The following KAT5 variants were observed in gnomAD, a reference collection of about 807,000 sequenced individuals.
KAT5 encodes the protein lysine acetyltransferase 5.
Under a neutral mutation model 68.1 loss-of-function variants are expected in KAT5, and 31 were observed. The observed-to-expected ratio is 0.46, with a 90% CI of 0.34 to 0.61. KAT5 has a LOEUF of 0.61. KAT5 is among the 20% of genes least tolerant of loss of function. KAT5 has a pLI of 0.01. For synonymous variants in KAT5, 365 were observed against 292.6 expected, an observed-to-expected ratio of 1.25 and a Z score of -2.52; for missense variants, 451 against 725.5, an observed-to-expected ratio of 0.62 and a Z score of 4.35.
Position 65,715,292 on chromosome 11 carries a change from G to A in KAT5, c.1029+382G>A, listed in dbSNP as rs555194042. On this transcript the variant is annotated intron_variant, in intron 8 of 12. Transcript: ENST00000341318. ...AGAGTAGGCATGGATGCACAAAGGT[G>A]GTCTTTGTGAAAGGCAGAGATCATT... 4 of 263,976 alleles carry A rather than the reference G, an allele frequency of 1.5e-5. No homozygotes were observed. In the East Asian group the frequency reaches 3.3e-4, roughly 22 times the overall value. 16.4% of individuals were successfully genotyped at this position (263,976 alleles called of 1,614,324 possible).
upstream of KAT5, chr11:65,712,085 G>A (rs1282070675): frequency 1.5e-5 from 8 of 533,894 alleles, 1 homozygote; most frequent in Non-Finnish European, 2.5e-5. Context: ...GGCTCGGCCT[G>A]AGGCTTGTAA....
intron 10 of KAT5, chr11:65,717,244 C>G (rs549504571): frequency 1.8e-6 from 1 of 561,846 alleles, no homozygotes; most frequent in Non-Finnish European, 3.2e-6. Context: ...ATCTGACTTA[C>G]GTGCTCCTGC....
At chr11:65,717,420 G>C (rs1857236764) in intron 10 of KAT5, 1 of 240,038 alleles carries the variant, frequency 4.2e-6, no homozygotes. Context: ...ACATAAGCAT[G>C]TTGTCCCTCG....
Position 65,712,293 on chromosome 11 carries a change from CCGGGG to C in KAT5, c.35_39del (p.Gly12GlufsTer8). On this transcript the variant is annotated frameshift_variant, in exon 1 of 13. Coordinates refer to ENST00000341318, the MANE Select transcript of KAT5 (RefSeq NM_182710.3). LOFTEE classifies it high-confidence loss of function. ...ATGGCGGAGGTGGTGAGTCCGGTGCCCGGGGCGGGGCGGAGGGAGCCAGGGGAGGT... is the reference window on the plus strand; with the variant it reads ...ATGGCGGAGGTGGTGAGTCCGGTGCCCGGGGCGGAGGGAGCCAGGGGAGGT... The C allele has an allele frequency of 3.5e-6, 5 of 1,446,288 alleles. No homozygotes were observed. Among genetic ancestry groups the C allele is most frequent in the South Asian group, 1.5e-5 (1 of 67,624 alleles). The allele number at this position is 1,446,288 out of a possible 1,614,324, so 89.6% of individuals were successfully genotyped here.
chr11:65,713,146 C>G, intron 3 of KAT5, 88 bp downstream of exon 3: 1 of 1,532,636 alleles, frequency 6.5e-7, no homozygotes, highest in Non-Finnish European at 8.9e-7. Context: ...GGGCAGGAGG[C>G]GGCTCCCTCT....
Position 65,712,366 on chromosome 11 carries a change from G to A in KAT5, c.99G>A (p.Ala33=). Reference sequence around the variant, plus strand: ...CCCCAGTAGCCGACCCTGGCGTCGCGCTGTCTCCCCAGGGGGAGATAATCG... The same window carrying A: ...CCCCAGTAGCCGACCCTGGCGTCGCACTGTCTCCCCAGGGGGAGATAATCG... ...RGPPVADPGV[A]LSPQGEIIEG... The change falls in exon 1 of 13, where the codon GCG becomes GCA. Residue 33 remains alanine, a synonymous_variant. Transcript: ENST00000341318. 1.3e-6 allele frequency: 2 copies of A among 1,543,772 alleles called. No individual in the cohort carries two copies. Among genetic ancestry groups the A allele is most frequent in the Non-Finnish European group, 1.7e-6 (2 of 1,155,472 alleles).
chr11:65,713,981 AC>A, intron 6 of KAT5, 133 bp downstream of exon 6: 2 of 810,676 alleles, frequency 2.5e-6, no homozygotes, highest in Non-Finnish European at 3.9e-6. Context: ...GGATTAGGAG[AC>A]AGGCAGAACA....
chr11:65,716,832 T>C, intron 9 of KAT5, 25 bp downstream of exon 9: 1 of 1,614,120 alleles, frequency 6.2e-7, no homozygotes, highest in South Asian at 1.1e-5. Flanking sequence ...AAGCTGTCCC[T>C]GTGCCCTGTC....
At chr11:65,714,416 A>G (rs1183396419) in intron 6 of KAT5, 79 bp from the exon 7 acceptor site, 5 of 1,528,216 alleles carry the variant, frequency 3.3e-6, no homozygotes, top group African/African-American at 2.7e-5. Context: ...CTTGAAGGAA[A>G]CCTGTCAAAG....
chr11:65,712,166 T>A (rs1857038187), upstream of KAT5: 7 of 1,178,774 alleles, frequency 5.9e-6, no homozygotes, highest in Non-Finnish European at 7.9e-6. Context: ...CTCTCAAAGG[T>A]CCCCCTCTAC....
intron 10 of KAT5, 182 bp downstream of exon 10, chr11:65,717,164 C>G: frequency 1.6e-6 from 1 of 613,114 alleles, no homozygotes; most frequent in Non-Finnish European, 2.9e-6. Flanking sequence ...CCCTGCTTAT[C>G]TGGGGTAGGT....
chr11:65,715,263 C>G (rs1857154039), intron 8 of KAT5: 1 of 322,928 alleles, frequency 3.1e-6, no homozygotes, highest in South Asian at 3.1e-5. Context: ...CAGTGGTGTT[C>G]TGAAGAGTAG....
intron 3 of KAT5, 84 bp from the exon 4 acceptor site, chr11:65,713,264 T>C: frequency 2.1e-6 from 3 of 1,456,698 alleles, no homozygotes; most frequent in Non-Finnish European, 2.8e-6. Flanking sequence ...GGTTTGATAA[T>C]TTTGAGGTGA....
At chr11:65,715,766 T>A (rs187775926) in intron 8 of KAT5, among the ~76,000 whole-genome samples, 8 of 143,956 alleles carry the variant, frequency 5.6e-5, no homozygotes, top group Admixed American at 1.4e-4. Context: ...GTAAAAAAAA[T>A]AAATAAATAA....
rs1338429294 is a variant in KAT5 at position 65,713,436 on chromosome 11, T to C, written c.473T>C (p.Ile158Thr). The C allele has an allele frequency of 1.9e-6, 3 of 1,614,110 alleles. No homozygotes were observed. Among genetic ancestry groups the C allele is most frequent in the Non-Finnish European group, 2.5e-6 (3 of 1,180,004 alleles). ...RFNLPKEREA[I>T]PGGEPDQPLS... is the part of the protein sequence containing the mutation. Reference sequence around the variant, plus strand: ...AACCTGCCCAAGGAGCGGGAGGCCATTCCCGGTGGCGAGCCTGACCAGCCG... The same window carrying C: ...AACCTGCCCAAGGAGCGGGAGGCCACTCCCGGTGGCGAGCCTGACCAGCCG... The change falls in exon 4 of 13, where the codon ATT becomes ACT. Residue 158 changes from isoleucine (I) to threonine (T), a missense_variant. Physicochemically the swap from Ile to Thr is moderately conservative, Grantham distance 89. Coordinates refer to ENST00000341318, the MANE Select transcript of KAT5 (RefSeq NM_182710.3).
At chr11:65,717,319 ATACGAGTACTGG>A in intron 10 of KAT5, 1 of 418,140 alleles carries the variant, frequency 2.4e-6, no homozygotes, top group Non-Finnish European at 4.4e-6. Flanking sequence ...GTGTGCCATG[ATACGAGTACTGG>A]GGCAAGGACC....
Position 65,712,424 on chromosome 11 carries a change from C to G in KAT5, c.157C>G (p.Gln53Glu). The part of the protein sequence containing the change: ...GCRLPVLRRN[Q>E]DNEDEWPLAE... Reference sequence around the variant, plus strand: ...CCGCCTACCCGTGCTGCGGCGGAACCAGGACAACGAAGATGAGTGGCGTGA... The same window carrying G: ...CCGCCTACCCGTGCTGCGGCGGAACGAGGACAACGAAGATGAGTGGCGTGA... The change falls in exon 1 of 13, where the codon CAG (glutamine) becomes GAG (glutamate). Residue 53 changes from glutamine to glutamate, a missense_variant. Around this residue, in one of 4 missense-constraint regions of KAT5, gnomAD observed 104 missense variants for 107.3 expected, o/e 0.97. Transcript: ENST00000341318. The G allele has an allele frequency of 6.3e-7, 1 of 1,593,332 alleles. No individual in the cohort carries two copies. The highest frequency in any genetic ancestry group is 8.5e-7 in the Non-Finnish European group (1 of 1,174,364).
Position 65,719,188 on chromosome 11 carries a change from A to C in KAT5, c.*7A>C, listed in dbSNP as rs1310447568. 1 of 1,613,106 alleles carries C rather than the reference A, an allele frequency of 6.2e-7. No homozygotes were observed. The highest frequency in any genetic ancestry group is 1.7e-5 in the Admixed American group (1 of 59,962). ...CAAGAGGGGGAAGTGGTGACCAGAC[A>C]CTGCCCACTGCAGTGCCAAGACGGC... is the stretch of plus-strand genomic sequence containing the variant. On this transcript the variant is annotated 3_prime_UTR_variant, in exon 13 of 13. Coordinates refer to ENST00000341318, the MANE Select transcript of KAT5 (RefSeq NM_182710.3).
chr11:65,712,618 A>AG, intron 1 of KAT5, 148 bp from the exon 2 acceptor site: 1 of 1,223,874 alleles, frequency 8.2e-7, no homozygotes, highest in Non-Finnish European at 1.2e-6. Flanking sequence ...GGGCCTGGAA[A>AG]GGGGTGGCAC....
Sources: allele counts gnomAD v4.1 joint callset (sites outside exome capture counted in the v4.1 genomes callset), GRCh38; gene constraint gnomAD v4.1.1; regional missense constraint gnomAD v4.1.1; transcripts MANE v1.5; gene names NCBI Gene and HGNC (gene_info 2026-07-23, HGNC 2026-07-21).